The following FNDC7 variants were observed in gnomAD, a reference collection of about 807,000 sequenced individuals.
FNDC7 encodes the protein fibronectin type III domain containing 7.
In FNDC7, 66 loss-of-function variants were observed where a neutral mutation model predicts 74.2. The observed-to-expected ratio is 0.89, with a 90% CI of 0.73 to 1.09. The LOEUF (loss-of-function observed/expected upper bound fraction) is 1.09. Ranked by LOEUF, FNDC7 falls within the 50% of genes least tolerant of loss-of-function variation. The pLI is 0.00. For synonymous variants in FNDC7, 307 were observed against 330.2 expected, an observed-to-expected ratio of 0.93 and a Z score of 0.76; for missense variants, 829 against 893.4, an observed-to-expected ratio of 0.93 and a Z score of 0.92.
chr1:108,736,183 A>G (rs558389042), intron 10 of FNDC7, among the ~76,000 whole-genome samples: 4 of 152,274 alleles, frequency 2.6e-5, no homozygotes, highest in South Asian at 2.1e-4. Context: ...GGCATCTGGC[A>G]TCATTAACGT....
chr1:108,714,985 G>A (rs1190758812), intron 2 of FNDC7, among the ~76,000 whole-genome samples: 9 of 152,108 alleles, frequency 5.9e-5, no homozygotes, highest in Admixed American at 5.9e-4. Flanking sequence ...CAAGCCCTCA[G>A]AACAGGCCCC....
chr1:108,726,693 T>A (rs1161511186), intron 6 of FNDC7, among the ~76,000 whole-genome samples: 2 of 152,200 alleles, frequency 1.3e-5, no homozygotes, highest in Non-Finnish European at 2.9e-5. Context: ...CTTATAATAG[T>A]GTGATCAGCA....
chr1:108,724,500 T>A (rs1325130851), intron 5 of FNDC7, among the ~76,000 whole-genome samples: 1 of 152,056 alleles, frequency 6.6e-6, no homozygotes, highest in African/African-American at 2.4e-5. Context: ...ATGCCTGTAA[T>A]CTCAACACTT....
At chr1:108,723,689 C>T (rs1041180967) in intron 5 of FNDC7, among the ~76,000 whole-genome samples, 2 of 152,154 alleles carry the variant, frequency 1.3e-5, no homozygotes, top group African/African-American at 4.8e-5. Flanking sequence ...AAAAGCATAG[C>T]AGTTCTGAGT....
chr1:108,741,636 G>A (rs1661650096), intron 11 of FNDC7, 137 bp from the exon 12 acceptor site: 1 of 861,348 alleles, frequency 1.2e-6, no homozygotes, highest in East Asian at 2.6e-5. Context: ...ATAGTTTCAT[G>A]TTTACTTGCC....
At chr1:108,722,249 C>T (rs1377656918) in intron 4 of FNDC7, 86 bp from the exon 5 acceptor site, 4 of 1,324,810 alleles carry the variant, frequency 3.0e-6, no homozygotes, top group Admixed American at 2.8e-5. Flanking sequence ...GGTACCTTAT[C>T]CTCCAGGCTC....
chr1:108,715,277 G>C (rs916654034), intron 2 of FNDC7, among the ~76,000 whole-genome samples: 2 of 152,106 alleles, frequency 1.3e-5, no homozygotes, highest in Admixed American at 6.6e-5. Context: ...AGAATCAAAG[G>C]GTTCATTTTT....
chr1:108,732,341 CAAAAAAA>C (rs67731443), intron 9 of FNDC7, among the ~76,000 whole-genome samples: 1 of 103,230 alleles, frequency 9.7e-6, no homozygotes, highest in South Asian at 3.4e-4. Flanking sequence ...GACTCCGTCT[CAAAAAAA>C]AAAAAAAAAA....
At chr1:108,733,188 T>A in intron 9 of FNDC7, 84 bp from the exon 10 acceptor site, 2 of 1,529,650 alleles carry the variant, frequency 1.3e-6, no homozygotes, top group Non-Finnish European at 1.8e-6. Flanking sequence ...TTGCTTATAT[T>A]TTTTCCCTGC....
At chr1:108,718,317 C>G (rs914653533) in intron 3 of FNDC7, among the ~76,000 whole-genome samples, 1 of 152,270 alleles carries the variant, frequency 6.6e-6, no homozygotes, top group Admixed American at 6.5e-5. Context: ...GGTTTTAACA[C>G]GCCAAATGAA....
At chr1:108,720,386 C>T (rs761952140) in intron 4 of FNDC7, among the ~76,000 whole-genome samples, 1 of 152,170 alleles carries the variant, frequency 6.6e-6, no homozygotes, top group Non-Finnish European at 1.5e-5. Context: ...AGAAGGCTGC[C>T]GACACAGCGA....
intron 9 of FNDC7, among the ~76,000 whole-genome samples, chr1:108,731,606 A>T (rs77886426): frequency 2.4e-3 from 361 of 152,342 alleles, no homozygotes; most frequent in African/African-American, 8.4e-3. Flanking sequence ...GAAGAGTTGG[A>T]ATATAATTTT....
chr1:108,722,330 T>G lies in FNDC7; in HGVS notation c.599-5T>G. 1 of 1,586,152 alleles carries G rather than the reference T, an allele frequency of 6.3e-7. No individual in the cohort carries two copies. The highest frequency in any genetic ancestry group is 8.6e-7 in the Non-Finnish European group (1 of 1,166,532). Reference sequence around the variant, plus strand: ...CAAAATCTTAATTGTTTCTCTAAAATGTAGGTCCTCGGGCCCCTGCCAACA... The same window carrying G: ...CAAAATCTTAATTGTTTCTCTAAAAGGTAGGTCCTCGGGCCCCTGCCAACA... On this transcript the variant is annotated splice_region_variant and splice_polypyrimidine_tract_variant and intron_variant, in intron 4 of 12. Coordinates refer to ENST00000370017, the MANE Select transcript of FNDC7 (RefSeq NM_001144937.3).
At chr1:108,740,557 G>A (rs1661620074) in intron 11 of FNDC7, among the ~76,000 whole-genome samples, 1 of 152,008 alleles carries the variant, frequency 6.6e-6, no homozygotes, top group Admixed American at 6.6e-5. Context: ...TGAACTCCTA[G>A]ACTCATGCGA....
chr1:108,734,396 C>T (rs150849483), intron 10 of FNDC7: 20 of 152,314 alleles, frequency 1.3e-4, no homozygotes, highest in Middle Eastern at 3.4e-3. Context: ...AGCAATTCTC[C>T]GCTCTGTGTT....
At chr1:108,718,076 C>A in intron 3 of FNDC7, 45 bp downstream of exon 3, 1 of 1,542,072 alleles carries the variant, frequency 6.5e-7, no homozygotes, top group South Asian at 1.2e-5. Flanking sequence ...TTGCTTGTGA[C>A]TTGGATCAGT....
At chr1:108,734,842 G>T (rs1661475623) in intron 10 of FNDC7, 1 of 152,162 alleles carries the variant, frequency 6.6e-6, no homozygotes, top group Admixed American at 6.5e-5. Flanking sequence ...AATTTATCCA[G>T]TGGTTTCATA....
chr1:108,736,191 C>T (rs923141084), intron 10 of FNDC7, among the ~76,000 whole-genome samples: 2 of 152,216 alleles, frequency 1.3e-5, no homozygotes, highest in African/African-American at 2.4e-5. Context: ...GCATCATTAA[C>T]GTGTGCCTGC....
chr1:108,724,400 G>A (rs908744277), intron 5 of FNDC7, among the ~76,000 whole-genome samples: 2 of 151,832 alleles, frequency 1.3e-5, no homozygotes, highest in African/African-American at 4.8e-5. Flanking sequence ...ATGCTCCCTG[G>A]AGGATGTAAT....
Sources: gnomAD v4.1 joint callset for allele counts (sites outside exome capture counted in the v4.1 genomes callset) on GRCh38, gnomAD v4.1.1 for gene constraint, MANE v1.5 for transcripts, NCBI Gene and HGNC (gene_info 2026-07-23, HGNC 2026-07-21) for gene names.